KAZN: variants seen among roughly 807,000 people sequenced by gnomAD.
The protein encoded by KAZN is kazrin.
KAZN carries 40 observed loss-of-function variants against 87.4 expected under a neutral mutation model. That is an observed-to-expected ratio of 0.46 (90% CI 0.36 to 0.60). The LOEUF (loss-of-function observed/expected upper bound fraction) is 0.60. Among genes scored for constraint, KAZN ranks in the 20% least tolerant of loss-of-function variants. The probability of loss-of-function intolerance (pLI) is 0.00; values close to 1 mark genes in which losing one functional copy is unlikely to be tolerated. For missense variants in KAZN, 898 were observed against 1,073.9 expected, an observed-to-expected ratio of 0.84 and a Z score of 2.29; for synonymous variants, 466 against 458.3, an observed-to-expected ratio of 1.02 and a Z score of -0.22.
chr1:14,124,844 C>G (rs1445448038), intron 1 of KAZN, among the ~76,000 whole-genome samples: 1 of 152,150 alleles, frequency 6.6e-6, no homozygotes, highest in Non-Finnish European at 1.5e-5. Flanking sequence ...TGGAAAGAGA[C>G]AAAATCCAGC....
chr1:14,180,644 C>G (rs1302242159), intron 2 of KAZN: 1 of 1,485,304 alleles, frequency 6.7e-7, no homozygotes, highest in East Asian at 2.5e-5. Context: ...ATCTTTTTTT[C>G]TTTTTGGCAT....
intron 1 of KAZN, among the ~76,000 whole-genome samples, chr1:14,154,953 T>TCTCCCTTCCTTC (rs1645557757): frequency 7.4e-6 from 1 of 134,794 alleles, no homozygotes; most frequent in South Asian, 2.4e-4. Context: ...TTGTAGTTTT[T>TCTCCCTTCCTTC]CTTCCTTCCT....
chr1:14,855,100 C>T (rs1362046902), intron 1 of KAZN, among the ~76,000 whole-genome samples: 1 of 152,110 alleles, frequency 6.6e-6, no homozygotes, highest in Non-Finnish European at 1.5e-5. Context: ...TTTAATTTAG[C>T]TGTGAGACGA....
intron 1 of KAZN, among the ~76,000 whole-genome samples, chr1:14,946,894 G>A (rs772592173): frequency 6.6e-6 from 1 of 152,274 alleles, no homozygotes; most frequent in Admixed American, 6.5e-5. Context: ...TGGTTTGATT[G>A]TCTATAATAT....
intron 1 of KAZN, among the ~76,000 whole-genome samples, chr1:14,810,340 G>A (rs1646368513): frequency 6.6e-6 from 1 of 151,876 alleles, no homozygotes; most frequent in African/African-American, 2.4e-5. Context: ...ATCATCCACT[G>A]GATTTCTCTT....
intron 1 of KAZN, among the ~76,000 whole-genome samples, chr1:13,944,205 A>G (rs1393716999): frequency 1.3e-5 from 2 of 152,236 alleles, no homozygotes. Context: ...GGAATAAACT[A>G]CGGATACGCG....
intron 1 of KAZN, among the ~76,000 whole-genome samples, chr1:14,050,750 C>T (rs536546355): frequency 6.3e-4 from 96 of 152,282 alleles, no homozygotes; most frequent in African/African-American, 2.3e-3. Context: ...GAGCTCTCAG[C>T]CAGCCTTGCG....
rs1650182628 is a variant in KAZN at position 14,856,894 on chromosome 1, A to G, written c.227-103790A>G. Among the ~76,000 whole-genome samples the G allele has an allele frequency of 6.6e-6, 1 of 152,176 alleles. No individual in the cohort carries two copies. Among genetic ancestry groups the G allele is most frequent in the African/African-American group, 2.4e-5 (1 of 41,436 alleles). ...GGAGGTGTGTGAATTGGAGTTGCTT[A>G]ATTAAGCAGAGGAAGCTAAAAGATG... On this transcript the variant is annotated intron_variant, in intron 1 of 14. Coordinates refer to ENST00000376030, the MANE Select transcript of KAZN (RefSeq NM_201628.3). The surrounding 1 kb of genome is among the most constrained non-coding windows in gnomAD (Gnocchi z 5.2).
Position 14,043,663 on chromosome 1 carries a change from A to G in KAZN, c.92-136772A>G, listed in dbSNP as rs144546277. Among the ~76,000 whole-genome samples, 4 of 152,262 alleles carry G rather than the reference A, an allele frequency of 2.6e-5. No individual in the cohort carries two copies. In the East Asian group the frequency reaches 7.7e-4, roughly 29 times the overall value. On this transcript the variant is annotated intron_variant, in intron 1 of 16. Transcript: ENST00000636203. ...CCAGTCCAATGAGTATGAACGTAAT[A>G]GACTTTTCAAAGGTATGTGCTTACT...
intron 2 of KAZN, among the ~76,000 whole-genome samples, chr1:14,199,258 A>C (rs546538456): frequency 2.8e-4 from 42 of 152,092 alleles, no homozygotes; most frequent in African/African-American, 9.9e-4. Flanking sequence ...TTTCCTCAGG[A>C]TTGCTACTCT....
chr1:14,108,481 G>A (rs974172020), intron 1 of KAZN, among the ~76,000 whole-genome samples: 6 of 152,152 alleles, frequency 3.9e-5, no homozygotes, highest in Admixed American at 3.3e-4. Context: ...TTTTTAAGAG[G>A]CTGTGCTGCT....
At chr1:14,479,960 C>A (rs766615952) in intron 2 of KAZN, among the ~76,000 whole-genome samples, 12 of 152,214 alleles carry the variant, frequency 7.9e-5, no homozygotes, top group Non-Finnish European at 1.8e-4. Flanking sequence ...ACAGCCCCGG[C>A]AATAAACTCA....
intron 1 of KAZN, among the ~76,000 whole-genome samples, chr1:13,896,415 A>C (rs1336323577): frequency 6.6e-6 from 1 of 152,046 alleles, no homozygotes; most frequent in African/African-American, 2.4e-5. Flanking sequence ...TCAGTCTCTC[A>C]AGTAGCTGGG....
chr1:14,453,033 G>T (rs1446780944), intron 2 of KAZN, among the ~76,000 whole-genome samples: 1 of 152,116 alleles, frequency 6.6e-6, no homozygotes, highest in Non-Finnish European at 1.5e-5. Context: ...TCGGCTCACT[G>T]CAAGCTCTGC....
chr1:15,070,185 G>C (rs1196607193), intron 8 of KAZN, among the ~76,000 whole-genome samples: 1 of 152,184 alleles, frequency 6.6e-6, no homozygotes. Flanking sequence ...CTCCCAGGGG[G>C]GCATCTTCAG....
chr1:14,846,101 A>G (rs1648726355), intron 1 of KAZN, among the ~76,000 whole-genome samples: 1 of 151,916 alleles, frequency 6.6e-6, no homozygotes, highest in African/African-American at 2.4e-5. Flanking sequence ...GATTAATTAC[A>G]CTCCCTATAC....
rs974222336 is a variant in KAZN, at chr1:14,307,679, A to G, written c.249+127087A>G. 2.0e-5 allele frequency among the ~76,000 whole-genome samples: 3 copies of G among 152,184 alleles called. No homozygotes were observed. In the East Asian group the frequency reaches 5.8e-4, roughly 29 times the overall value. On this transcript the variant is annotated intron_variant, in intron 2 of 16. Transcript: ENST00000636203. The stretch of plus-strand genomic sequence containing the variant: ...CCAAGACAGAGTCTCCATCTGAGCA[A>G]TGCTTCTCACCTTTGAGTTGGAAAA...
At chr1:14,869,577 G>T (rs1009686041) in intron 1 of KAZN, among the ~76,000 whole-genome samples, 13 of 152,214 alleles carry the variant, frequency 8.5e-5, no homozygotes, top group African/African-American at 3.1e-4. Context: ...CAGCCCCTGG[G>T]CTCTTTCTGG....
chr1:14,100,411 C>T (rs1176334593), intron 1 of KAZN, among the ~76,000 whole-genome samples: 3 of 152,190 alleles, frequency 2.0e-5, no homozygotes, highest in Admixed American at 6.5e-5. Flanking sequence ...CACAGTTGCA[C>T]TCAGGGCTGT....
Sources: gnomAD v4.1 joint callset for allele counts (sites outside exome capture counted in the v4.1 genomes callset) on GRCh38, gnomAD v4.1.1 for gene constraint, Gnocchi (gnomAD v3.1) non-coding constraint, MANE v1.5 for transcripts, NCBI Gene and HGNC (gene_info 2026-07-23, HGNC 2026-07-21) for gene names.